The following THEMIS variants were observed in gnomAD, a reference collection of about 807,000 sequenced individuals.
The protein encoded by THEMIS is thymocyte selection associated, also known as protein THEMIS.
A neutral mutation model predicts 52.6 loss-of-function variants in THEMIS; 37 were observed. The observed-to-expected ratio is 0.70, with a 90% CI of 0.54 to 0.93. THEMIS has a LOEUF of 0.93. Among genes scored for constraint, THEMIS ranks in the 40% least tolerant of loss-of-function variants. THEMIS has a pLI of 0.00. For missense variants in THEMIS, 808 were observed against 763.1 expected (o/e 1.06, Z -0.69); for synonymous variants, 292 against 272.7 (o/e 1.07, Z -0.70).
rs185076911 is a variant in THEMIS at position 127,801,502 on chromosome 6, C to A, written c.1758+11381G>T. On this transcript the variant is annotated intron_variant, in intron 4 of 5. Coordinates refer to ENST00000368248, the MANE Select transcript of THEMIS (RefSeq NM_001010923.3). ...TTGACTGGAAAAGAATGGGACCCTG[C>A]AACTTGGAATGAGGACGAGTGGGAG... Among the ~76,000 whole-genome samples, 471 of 152,246 alleles carry A rather than the reference C, an allele frequency of 3.1e-3. 2 individuals carry two copies. The highest frequency in any genetic ancestry group is 3.9e-3 in the Non-Finnish European group (263 of 68,024).
intron 1 of THEMIS, among the ~76,000 whole-genome samples, chr6:127,895,591 A>G (rs993192308): frequency 1.4e-4 from 21 of 151,684 alleles, no homozygotes; most frequent in African/African-American, 4.3e-4. Flanking sequence ...CCTAGGATAC[A>G]TAAGAACTCT....
rs948008097 is a variant in THEMIS, at chr6:127,829,887, C to T, written c.298G>A (p.Glu100Lys). 1 of 1,613,788 alleles carries T rather than the reference C, an allele frequency of 6.2e-7. No homozygotes were observed. The highest frequency in any genetic ancestry group is 1.3e-5 in the African/African-American group (1 of 74,906). ...ADKTPYLTME[E>K]ITRTIHIGPS... Reference sequence around the variant, plus strand: ...CCAATATGAATGGTCCTTGTGATTTCTTCCATAGTAAGGTATGGAGTTTTA... The same window carrying T: ...CCAATATGAATGGTCCTTGTGATTTTTTCCATAGTAAGGTATGGAGTTTTA... Residue 100 changes from glutamate (E) to lysine (K), a missense_variant, in exon 3 of 6, where the codon GAA becomes AAA. Coordinates refer to ENST00000368248, the MANE Select transcript of THEMIS (RefSeq NM_001010923.3).
chr6:127,806,238 A>T (rs1173713234), intron 4 of THEMIS, among the ~76,000 whole-genome samples: 1 of 152,184 alleles, frequency 6.6e-6, no homozygotes, highest in Non-Finnish European at 1.5e-5. Context: ...AATCTAGTGC[A>T]AAATAATTTA....
At chr6:127,780,796 T>A (rs145813627) in intron 4 of THEMIS, among the ~76,000 whole-genome samples, 4 of 152,324 alleles carry the variant, frequency 2.6e-5, no homozygotes, top group African/African-American at 9.6e-5. Context: ...TCTTTGTGGG[T>A]AACCCAACCT....
chr6:127,839,289 A>G (rs1778967282), intron 2 of THEMIS, among the ~76,000 whole-genome samples: 1 of 152,064 alleles, frequency 6.6e-6, no homozygotes, highest in Non-Finnish European at 1.5e-5. Flanking sequence ...GTTAGTTATA[A>G]AATATGTTAC....
intron 1 of THEMIS, among the ~76,000 whole-genome samples, chr6:127,859,557 T>A (rs1779728560): frequency 6.6e-6 from 1 of 152,106 alleles, no homozygotes; most frequent in African/African-American, 2.4e-5. Flanking sequence ...AAAATGACAA[T>A]TAATTGTTGT....
chr6:127,723,648 T>G (rs1467957931), intron 4 of THEMIS, among the ~76,000 whole-genome samples: 1 of 151,972 alleles, frequency 6.6e-6, no homozygotes, highest in Non-Finnish European at 1.5e-5. Context: ...GTCCACAATC[T>G]CATCACTCTT....
chr6:127,903,489 C>T (rs1434616086), upstream of THEMIS, among the ~76,000 whole-genome samples: 1 of 151,574 alleles, frequency 6.6e-6, no homozygotes, highest in Non-Finnish European at 1.5e-5. Flanking sequence ...ATGTTTTATT[C>T]AACAAATGGT....
At chr6:127,718,745 G>A (rs988215839) in intron 5 of THEMIS, among the ~76,000 whole-genome samples, 6 of 151,882 alleles carry the variant, frequency 4.0e-5, no homozygotes, top group Non-Finnish European at 8.8e-5. Flanking sequence ...GATTTTCAAA[G>A]CCCTTTACAG....
chr6:127,908,433 A>G (rs115849088), intron 1 of THEMIS, among the ~76,000 whole-genome samples: 1,963 of 152,258 alleles, frequency 0.013, 47 homozygotes, highest in African/African-American at 0.044. Flanking sequence ...CCTGCTCACC[A>G]TGAGGAGACT....
chr6:127,899,361 G>T (rs546272780), intron 1 of THEMIS, among the ~76,000 whole-genome samples: 29 of 151,884 alleles, frequency 1.9e-4, no homozygotes, highest in African/African-American at 6.0e-4. Flanking sequence ...TGTATTGCAA[G>T]GCCATAGTTA....
intron 4 of THEMIS, among the ~76,000 whole-genome samples, chr6:127,794,206 A>G (rs1777252027): frequency 6.6e-6 from 1 of 152,242 alleles, no homozygotes; most frequent in African/African-American, 2.4e-5. Context: ...TTCCTAGCCC[A>G]TAGCAATATT....
chr6:127,862,378 A>G (rs1779830802), intron 1 of THEMIS, among the ~76,000 whole-genome samples: 1 of 148,954 alleles, frequency 6.7e-6, no homozygotes, highest in African/African-American at 2.5e-5. Flanking sequence ...TGCTGGACCT[A>G]TACAGCTCAG....
At chr6:127,836,147 T>A (rs1778867751) in intron 2 of THEMIS, among the ~76,000 whole-genome samples, 1 of 152,138 alleles carries the variant, frequency 6.6e-6, no homozygotes, top group African/African-American at 2.4e-5. Flanking sequence ...ATACCCTCCC[T>A]CTATTTTAAT....
intron 3 of THEMIS, among the ~76,000 whole-genome samples, chr6:127,817,474 G>A (rs545708234): frequency 1.3e-3 from 196 of 152,204 alleles, no homozygotes; most frequent in Middle Eastern, 0.01. Flanking sequence ...TGTATTTAAT[G>A]TCTTCAACAT....
chr6:127,737,632 G>A (rs1019328555), intron 4 of THEMIS, among the ~76,000 whole-genome samples: 1 of 151,970 alleles, frequency 6.6e-6, no homozygotes, highest in Admixed American at 6.6e-5. Context: ...TGCCTAACAT[G>A]TTATATTTGA....
chr6:127,758,793 G>C (rs1775920718), intron 4 of THEMIS, among the ~76,000 whole-genome samples: 1 of 152,024 alleles, frequency 6.6e-6, no homozygotes, highest in Non-Finnish European at 1.5e-5. Context: ...AGAATTATTG[G>C]ATCATTTTGT....
intron 2 of THEMIS, among the ~76,000 whole-genome samples, chr6:127,832,852 C>T (rs565274024): frequency 5.0e-5 from 6 of 120,972 alleles, no homozygotes; most frequent in African/African-American, 1.3e-4. Context: ...GGTACAATTT[C>T]GGCTCACTGC....
At chr6:127,832,051 A>G (rs980242090) in intron 2 of THEMIS, among the ~76,000 whole-genome samples, 4 of 152,170 alleles carry the variant, frequency 2.6e-5, no homozygotes, top group Non-Finnish European at 5.9e-5. Context: ...AAAAATGCGT[A>G]CCTAAAATCT....
Sources: allele counts gnomAD v4.1 joint callset (sites outside exome capture counted in the v4.1 genomes callset), GRCh38; gene constraint gnomAD v4.1.1; transcripts MANE v1.5; gene names NCBI Gene and HGNC (gene_info 2026-07-23, HGNC 2026-07-21).